Variants in CFAP46 observed in about 807,000 individuals in gnomAD.
The protein encoded by CFAP46 is cilia and flagella associated protein 46.
In CFAP46, 245 loss-of-function variants were observed where a neutral mutation model predicts 325.7. The observed-to-expected ratio is 0.75, with a 90% confidence interval of 0.68 to 0.84. The LOEUF (loss-of-function observed/expected upper bound fraction) is 0.84. CFAP46 is among the 40% of genes least tolerant of loss of function. The pLI is 0.00. For missense variants in CFAP46, 3,346 were observed against 3,543.0 expected (o/e 0.94, Z 1.41); for synonymous variants, 1,523 against 1,495.9 (o/e 1.02, Z -0.42).
chr10:132,938,329 T>A (rs1850042702), intron 5 of CFAP46, among the ~76,000 whole-genome samples: 1 of 152,270 alleles, frequency 6.6e-6, no homozygotes, highest in African/African-American at 2.4e-5. Flanking sequence ...GGATCATATC[T>A]GCTTTGCTGG....
chr10:132,848,896 G>A (rs1314287419), intron 41 of CFAP46, among the ~76,000 whole-genome samples: 1 of 152,228 alleles, frequency 6.6e-6, no homozygotes, highest in African/African-American at 2.4e-5. Flanking sequence ...CCTAGACCGT[G>A]TCGATCCTAC....
intron 50 of CFAP46, among the ~76,000 whole-genome samples, chr10:132,829,964 A>T (rs1346950226): frequency 6.6e-6 from 1 of 151,818 alleles, no homozygotes. Context: ...ATCTATAGCC[A>T]TGAGGCATAT....
rs111246501 is a variant in CFAP46, at chr10:132,919,089, G to A, written c.1858+226C>T. On this transcript the variant is annotated intron_variant, in intron 15 of 57. Coordinates refer to ENST00000368586, the MANE Select transcript of CFAP46 (RefSeq NM_001200049.3). The surrounding 1 kb of genome is among the most constrained non-coding windows in gnomAD (Gnocchi z 9.7). ...TCCGAGGCCCCCAGTGACTGAAGAT[G>A]GAGTGTGACGACGGTGCTCGTGGCT... 5.2e-3 allele frequency among the ~76,000 whole-genome samples: 787 copies of A among 152,352 alleles called. 5 individuals are homozygous for A. Among genetic ancestry groups the A allele is most frequent in the African/African-American group, 0.017 (691 of 41,586 alleles).
Position 132,908,602 on chromosome 10 carries a change from C to CGACCA in CFAP46, c.2785_2789dup (p.Asp931GlyfsTer11), listed in dbSNP as rs1056712226. 6.5e-7 allele frequency: 1 copy of CGACCA among 1,545,254 alleles called. No homozygotes were observed. The highest frequency in any genetic ancestry group is 1.4e-5 in the African/African-American group (1 of 72,842). ...GGGTCTGCAGCTCCACCAGGGGGTC[C>CGACCA]GACCAGTTGCACTCGGAAGCCATTT... On this transcript the variant is annotated frameshift_variant, in exon 22 of 58. Coordinates refer to ENST00000368586, the MANE Select transcript of CFAP46 (RefSeq NM_001200049.3). LOFTEE classifies it high-confidence loss of function.
chr10:132,849,524 T>C (rs967953931), intron 41 of CFAP46, among the ~76,000 whole-genome samples: 3 of 152,174 alleles, frequency 2.0e-5, no homozygotes, highest in Non-Finnish European at 4.4e-5. Flanking sequence ...AGCTGGCATC[T>C]GCACAAGTGT....
chr10:132,820,722 G>A (rs1357968534), intron 50 of CFAP46, among the ~76,000 whole-genome samples: 1 of 123,664 alleles, frequency 8.1e-6, no homozygotes, highest in Non-Finnish European at 1.8e-5. Context: ...GCGCTGATGT[G>A]TGCTGTGTGT....
intron 24 of CFAP46, among the ~76,000 whole-genome samples, chr10:132,898,302 C>G (rs7079745): frequency 0.18 from 27,767 of 152,218 alleles, 3,539 homozygotes; most frequent in African/African-American, 0.36. Context: ...GAAGCCCAGT[C>G]CACAAGGCTG....
At position 132,892,039 on chromosome 10, in the gene CFAP46, G is replaced by A. The variant is rs140289687; in HGVS notation, c.3304+294C>T. ...GTGTCACGGGTCATGCTCCTCACAC[G>A]TGGCTCAGCATCAATCTCTTCCAAT... On this transcript the variant is annotated intron_variant, in intron 25 of 57. Coordinates refer to ENST00000368586, the MANE Select transcript of CFAP46 (RefSeq NM_001200049.3). Among the ~76,000 whole-genome samples the A allele has an allele frequency of 2.9e-4, 44 of 152,236 alleles. 1 individual carries two copies. The highest frequency in any genetic ancestry group is 9.1e-4 in the African/African-American group (38 of 41,536).
intron 41 of CFAP46, among the ~76,000 whole-genome samples, chr10:132,848,284 G>T (rs1214798191): frequency 6.6e-6 from 1 of 152,220 alleles, no homozygotes; most frequent in African/African-American, 2.4e-5. Context: ...CGGACTTAGA[G>T]AATGAAAATA....
rs1458602107 is a variant in CFAP46, at chr10:132,832,448, A to AG, written c.7117+909_7117+910insC. Among the ~76,000 whole-genome samples the AG allele has an allele frequency of 7.5e-6, 1 of 133,490 alleles. No individual in the cohort carries two copies. The highest frequency in any genetic ancestry group is 1.5e-5 in the Non-Finnish European group (1 of 64,660). 87.6% of individuals were successfully genotyped at this position (133,490 alleles called of 152,430 possible). On this transcript the variant is annotated intron_variant, in intron 50 of 57. Transcript: ENST00000368586. This position sits in a 1 kb window ranked among gnomAD's most constrained non-coding sequence, Gnocchi z 4.1. ...CCAGAGAGTAAGACCTGGGTGGGCC[A>AG]TGGCGCTCGCCAGCCAAACCCCCTT...
chr10:132,878,724 G>C (rs1048281615), intron 29 of CFAP46, among the ~76,000 whole-genome samples: 1 of 152,102 alleles, frequency 6.6e-6, no homozygotes, highest in Non-Finnish European at 1.5e-5. Context: ...AGACGGGATA[G>C]GGGGGCCTCC....
chr10:132,861,114 G>T (rs917531377), intron 35 of CFAP46, 132 bp from the exon 36 acceptor site: 4 of 904,968 alleles, frequency 4.4e-6, no homozygotes, highest in Non-Finnish European at 6.7e-6. Flanking sequence ...GTGAGGGGAA[G>T]ACAGGGCTGC....
At position 132,912,789 on chromosome 10, in the gene CFAP46, T is replaced by C. The variant is rs986977773; in HGVS notation, c.2365A>G (p.Thr789Ala). ...CTGATGATCAGGCCTCGCGCCAAGG[T>C]GTTGCAGAGCGTCACCAGCATCACG... ...DPVMLVTLCN[T>A]LARGLIISWI... The change falls in exon 19 of 58, where the codon ACC becomes GCC. Residue 789 changes from threonine to alanine, a missense_variant. Physicochemically the swap from Thr to Ala is moderately conservative, Grantham distance 58. Coordinates refer to ENST00000368586, the MANE Select transcript of CFAP46 (RefSeq NM_001200049.3). 3 of 1,549,838 alleles carry C rather than the reference T, an allele frequency of 1.9e-6. No individual in the cohort carries two copies. Among genetic ancestry groups the C allele is most frequent in the Non-Finnish European group, 2.6e-6 (3 of 1,146,964 alleles).
intron 23 of CFAP46, 121 bp from the exon 24 acceptor site, chr10:132,899,242 A>C (rs1359002578): frequency 8.6e-7 from 1 of 1,156,282 alleles, no homozygotes; most frequent in Non-Finnish European, 1.2e-6. Flanking sequence ...CCTCCTGGGC[A>C]TGTGGCTTGC....
intron 56 of CFAP46, 99 bp from the exon 57 acceptor site, chr10:132,810,588 C>G: frequency 9.4e-7 from 1 of 1,061,152 alleles, no homozygotes; most frequent in Non-Finnish European, 1.5e-6. Flanking sequence ...CACGCACTTT[C>G]CCATAAGACG....
chr10:132,838,526 G>A (rs961703485), intron 44 of CFAP46, among the ~76,000 whole-genome samples: 3 of 152,268 alleles, frequency 2.0e-5, no homozygotes, highest in African/African-American at 4.8e-5. Flanking sequence ...CTTTTCTGCC[G>A]GGCCTCTGGC....
chr10:132,888,266 C>T (rs1174681843), intron 25 of CFAP46, among the ~76,000 whole-genome samples: 1 of 151,726 alleles, frequency 6.6e-6, no homozygotes, highest in Non-Finnish European at 1.5e-5. Context: ...ACCCTGCCAC[C>T]CCTCACCTGG....
chr10:132,816,526 T>A (rs1389754698), intron 50 of CFAP46, among the ~76,000 whole-genome samples: 1 of 151,866 alleles, frequency 6.6e-6, no homozygotes, highest in South Asian at 2.1e-4. Flanking sequence ...AGAGATGGGG[T>A]TTCACCGTGT....
At chr10:132,899,161 G>C in intron 23 of CFAP46, 40 bp from the exon 24 acceptor site, 1 of 1,529,138 alleles carries the variant, frequency 6.5e-7, no homozygotes, top group Non-Finnish European at 8.8e-7. Flanking sequence ...CTCCACCTGG[G>C]CCCACCTGGA....
Sources: gnomAD v4.1 joint callset for allele counts (sites outside exome capture counted in the v4.1 genomes callset) on GRCh38, gnomAD v4.1.1 for gene constraint, Gnocchi (gnomAD v3.1) non-coding constraint, MANE v1.5 for transcripts, NCBI Gene and HGNC (gene_info 2026-07-23, HGNC 2026-07-21) for gene names.